Variants in TRIM9 observed in about 807,000 individuals in gnomAD.
TRIM9 encodes the protein tripartite motif containing 9.
Under a neutral mutation model 78.3 loss-of-function variants are expected in TRIM9, and 26 were observed. The ratio of observed to expected loss-of-function variants is 0.33; its 90% CI spans 0.24 to 0.46. The LOEUF (loss-of-function observed/expected upper bound fraction) is 0.46. Ranked by LOEUF, TRIM9 falls within the 20% of genes least tolerant of loss-of-function variation. TRIM9 has a pLI of 1.00. For missense variants in TRIM9, 787 were observed against 1,036.4 expected (o/e 0.76, Z 3.30); for synonymous variants, 398 against 416.5 (o/e 0.96, Z 0.54).
intron 1 of TRIM9, among the ~76,000 whole-genome samples, chr14:51,026,631 C>G (rs2058255368): frequency 6.6e-6 from 1 of 152,144 alleles, no homozygotes; most frequent in Admixed American, 6.5e-5. Context: ...AAAATTATAT[C>G]TCTTGGTGCT....
chr14:51,085,911 A>C (rs8009573), intron 1 of TRIM9, among the ~76,000 whole-genome samples: 71,575 of 151,952 alleles, frequency 0.47, 17,506 homozygotes, highest in African/African-American at 0.58. Context: ...GATGAACCCC[A>C]TCTCTGTCAG....
chr14:51,008,724 A>T (rs1323260203), intron 5 of TRIM9, among the ~76,000 whole-genome samples: 3 of 152,196 alleles, frequency 2.0e-5, no homozygotes, highest in Non-Finnish European at 4.4e-5. Flanking sequence ...AATCATTTCA[A>T]TTCTGGACTC....
chr14:51,051,237 T>G (rs2140078437), intron 1 of TRIM9, among the ~76,000 whole-genome samples: 1 of 152,344 alleles, frequency 6.6e-6, no homozygotes, highest in South Asian at 2.1e-4. Context: ...TTCCTATATC[T>G]TTTGTCTTTG....
chr14:51,033,840 A>C (rs2058929770), intron 1 of TRIM9, among the ~76,000 whole-genome samples: 1 of 152,244 alleles, frequency 6.6e-6, no homozygotes, highest in African/African-American at 2.4e-5. Flanking sequence ...GAATAATCCA[A>C]TTAACAAGTT....
chr14:51,026,273 A>G (rs980609587), intron 1 of TRIM9, among the ~76,000 whole-genome samples: 3 of 152,128 alleles, frequency 2.0e-5, no homozygotes, highest in African/African-American at 7.2e-5. Context: ...CCAATAGGGT[A>G]TGGGTGGAGG....
intron 8 of TRIM9, among the ~76,000 whole-genome samples, chr14:50,984,294 A>G (rs1435889575): frequency 6.6e-6 from 1 of 152,206 alleles, no homozygotes; most frequent in Non-Finnish European, 1.5e-5. Context: ...CTAATTCCTA[A>G]AACATTTGCA....
chr14:51,076,062 T>C (rs1347556436), intron 1 of TRIM9, among the ~76,000 whole-genome samples: 2 of 152,230 alleles, frequency 1.3e-5, no homozygotes, highest in East Asian at 1.9e-4. Flanking sequence ...TGTTATTAAA[T>C]ACCTGCAAAT....
intron 7 of TRIM9, among the ~76,000 whole-genome samples, chr14:50,994,945 C>T (rs1424899933): frequency 1.3e-5 from 2 of 152,186 alleles, no homozygotes; most frequent in African/African-American, 2.4e-5. Context: ...GTCTTTGATA[C>T]ATCTCCAGGA....
intron 7 of TRIM9, chr14:50,997,566 C>T (rs1006400930): frequency 6.0e-6 from 6 of 1,000,322 alleles, no homozygotes; most frequent in Middle Eastern, 5.1e-4. Flanking sequence ...TCTAGCACCC[C>T]ACCACCCATT....
chr14:51,035,367 A>G (rs1049877911), intron 1 of TRIM9, among the ~76,000 whole-genome samples: 6 of 152,222 alleles, frequency 3.9e-5, no homozygotes, highest in Non-Finnish European at 8.8e-5. Flanking sequence ...TAAGAAGTCT[A>G]TCCTTTCTTA....
chr14:51,048,668 G>A (rs2060142436), intron 1 of TRIM9, among the ~76,000 whole-genome samples: 1 of 152,068 alleles, frequency 6.6e-6, no homozygotes, highest in African/African-American at 2.4e-5. Context: ...GTTCTACTTT[G>A]GGTGAGGTGG....
intron 1 of TRIM9, among the ~76,000 whole-genome samples, chr14:51,027,284 C>G (rs1445067910): frequency 6.6e-6 from 1 of 151,962 alleles, no homozygotes; most frequent in African/African-American, 2.4e-5. Context: ...GCTGGGATTA[C>G]AGCCGTGCAC....
At chr14:51,015,499 A>ACTTTT (rs2057070226) in intron 3 of TRIM9, among the ~76,000 whole-genome samples, 6 of 76,766 alleles carry the variant, frequency 7.8e-5, no homozygotes, top group African/African-American at 3.3e-4. Flanking sequence ...TTCTTTCTTT[A>ACTTTT]CTTTTCTTTT....
intron 1 of TRIM9, among the ~76,000 whole-genome samples, chr14:51,081,978 G>T (rs146413159): frequency 6.6e-6 from 1 of 152,140 alleles, no homozygotes; most frequent in Non-Finnish European, 1.5e-5. Context: ...CTGCCCTGGG[G>T]GTCAGAGGTC....
intron 7 of TRIM9, among the ~76,000 whole-genome samples, chr14:50,993,544 T>G (rs2053806494): frequency 6.6e-6 from 1 of 152,116 alleles, no homozygotes; most frequent in Admixed American, 6.5e-5. Context: ...AATTTTGTAT[T>G]TTTAGTAGAG....
At chr14:51,048,572 C>CAGAAGAGGAGA (rs11268378) in intron 1 of TRIM9, among the ~76,000 whole-genome samples, 1 of 151,696 alleles carries the variant, frequency 6.6e-6, no homozygotes, top group Non-Finnish European at 1.5e-5. Context: ...GCTGGGGATC[C>CAGAAGAGGAGA]TAGGCACATA....
intron 5 of TRIM9, among the ~76,000 whole-genome samples, chr14:51,008,689 T>C (rs1482682870): frequency 2.6e-5 from 4 of 152,370 alleles, no homozygotes; most frequent in Non-Finnish European, 5.9e-5. Flanking sequence ...AACCATTTGC[T>C]TACTATCTCT....
chr14:51,093,511 C>T (rs2064606037), intron 1 of TRIM9, among the ~76,000 whole-genome samples: 2 of 152,242 alleles, frequency 1.3e-5, no homozygotes, highest in South Asian at 4.1e-4. Context: ...CTGCCCTCTC[C>T]GCTCTGTCTT....
At chr14:51,027,168 G>T (rs1415341441) in intron 1 of TRIM9, among the ~76,000 whole-genome samples, 1 of 113,160 alleles carries the variant, frequency 8.8e-6, no homozygotes, top group Non-Finnish European at 1.7e-5. Context: ...TTTTGAGACA[G>T]AGTCTCACTC....
Sources: gnomAD v4.1 joint callset for allele counts (sites outside exome capture counted in the v4.1 genomes callset) on GRCh38, gnomAD v4.1.1 for gene constraint, MANE v1.5 for transcripts, NCBI Gene and HGNC (gene_info 2026-07-23, HGNC 2026-07-21) for gene names.